Variants in SATL1 observed in about 807,000 individuals in gnomAD.
SATL1 encodes spermidine/spermine N(1)-acetyltransferase-like protein 1.
Under a neutral mutation model 51.8 loss-of-function variants are expected in SATL1, and 47 were observed. The ratio of observed to expected loss-of-function variants is 0.91; its 90% CI spans 0.72 to 1.16. The LOEUF (loss-of-function observed/expected upper bound fraction) is 1.16. Ranked by LOEUF, SATL1 falls within the 50% of genes most tolerant of loss-of-function variation. The pLI, the probability that SATL1 is intolerant of heterozygous loss-of-function variation, is 0.00. For missense variants in SATL1, 520 were observed against 526.4 expected (o/e 0.99, Z 0.12); for synonymous variants, 176 against 182.4 (o/e 0.97, Z 0.28).
chrX:85,130,390 C>G (rs1237087188), intron 2 of SATL1, among the ~76,000 whole-genome samples: 3 of 111,301 alleles, frequency 2.7e-5, no homozygotes, highest in East Asian at 2.8e-4. Context: ...TGTATGTGTC[C>G]AGGAATTTAT....
At chrX:85,159,969 C>T (rs1390699122) in intron 2 of SATL1, among the ~76,000 whole-genome samples, 2 of 111,269 alleles carry the variant, frequency 1.8e-5, no homozygotes, top group East Asian at 5.7e-4. Flanking sequence ...CACATAGGCC[C>T]CCACCATCAC....
chrX:85,218,200 T>C (rs1170159333), intron 2 of SATL1, among the ~76,000 whole-genome samples: 2 of 110,241 alleles, frequency 1.8e-5, no homozygotes, highest in African/African-American at 6.6e-5. Flanking sequence ...AAATAATCTG[T>C]ACACCAAATC....
chrX:85,176,604 G>A (rs926644910), intron 2 of SATL1, among the ~76,000 whole-genome samples: 4 of 111,508 alleles, frequency 3.6e-5, no homozygotes, highest in Non-Finnish European at 5.7e-5. Context: ...CAATGCACAA[G>A]AGTGTGTATA....
chrX:85,159,216 G>T (rs1229819128), intron 2 of SATL1, among the ~76,000 whole-genome samples: 1 of 111,519 alleles, frequency 9.0e-6, no homozygotes, highest in Admixed American at 9.5e-5. Context: ...GTGCATATTT[G>T]CATGGTTAAA....
rs1383730541 is a variant in SATL1, at chrX:85,109,025, A to T, written c.-57T>A. 9.4e-7 allele frequency: 1 copy of T among 1,064,254 alleles called. No individual in the cohort carries two copies. Among genetic ancestry groups the T allele is most frequent in the Non-Finnish European group, 1.3e-6 (1 of 785,949 alleles). The allele number at this position is 1,064,254 out of a possible 1,213,427, so 87.7% of individuals were successfully genotyped here. Reference sequence around the variant, plus strand: ...ATGGGGTGGCAGATGATGGGTTGGCAGACAACTGATTGGCTGATGGCTGTC... The same window carrying T: ...ATGGGGTGGCAGATGATGGGTTGGCTGACAACTGATTGGCTGATGGCTGTC... On this transcript the variant is annotated 5_prime_UTR_variant, in exon 3 of 8. Coordinates refer to ENST00000644105, the MANE Select transcript of SATL1 (RefSeq NM_001367857.2).
chrX:85,122,585 C>G (rs1228851752), intron 2 of SATL1, among the ~76,000 whole-genome samples: 1 of 109,632 alleles, frequency 9.1e-6, no homozygotes, highest in Non-Finnish European at 1.9e-5. Context: ...TGTAAGCACT[C>G]GATTCATATT....
chrX:85,125,574 G>C (rs1281643738), intron 2 of SATL1, among the ~76,000 whole-genome samples: 6 of 106,252 alleles, frequency 5.6e-5, no homozygotes, highest in Non-Finnish European at 1.2e-4. Context: ...TGATAGAATT[G>C]TCCATTGCCT....
chrX:85,114,163 CACAA>C (rs1048821018), intron 2 of SATL1, among the ~76,000 whole-genome samples: 2 of 111,890 alleles, frequency 1.8e-5, no homozygotes, highest in Admixed American at 9.5e-5. Flanking sequence ...TAAGAATATT[CACAA>C]ACAGTTTCCA....
chrX:85,204,283 G>C (rs998643379), intron 2 of SATL1, among the ~76,000 whole-genome samples: 3 of 111,653 alleles, frequency 2.7e-5, no homozygotes, highest in African/African-American at 9.8e-5. Flanking sequence ...TTGTTTCCTT[G>C]ATTAATCCCA....
At chrX:85,157,375 T>G (rs1348507763) in intron 2 of SATL1, among the ~76,000 whole-genome samples, 3 of 111,585 alleles carry the variant, frequency 2.7e-5, no homozygotes, top group Non-Finnish European at 5.7e-5. Context: ...TAAAGTACTC[T>G]AGGTGAATAT....
Position 85,165,635 on chromosome X carries a change from C to A in SATL1, c.-312-56355G>T, listed in dbSNP as rs142247153. On this transcript the variant is annotated intron_variant, in intron 2 of 7. Coordinates refer to ENST00000644105, the MANE Select transcript of SATL1 (RefSeq NM_001367857.2). The stretch of plus-strand genomic sequence containing the variant: ...TTAAGGACCTTGTTTTGTAATATTA[C>A]CAGAATTTACTTTTCTGGTTTCTTC... 3.0e-3 allele frequency among the ~76,000 whole-genome samples: 330 copies of A among 111,095 alleles called. 8 individuals carry two copies. The East Asian group carries it at 0.053, about 18-fold the overall frequency.
intron 4 of SATL1, among the ~76,000 whole-genome samples, chrX:85,102,840 A>G (rs1462582045): frequency 4.5e-5 from 5 of 110,920 alleles, no homozygotes; most frequent in African/African-American, 6.5e-5. Flanking sequence ...TCAACAGTTG[A>G]GCATCCCTAA....
At chrX:85,147,782 C>G (rs1477821178) in intron 2 of SATL1, among the ~76,000 whole-genome samples, 1 of 111,914 alleles carries the variant, frequency 8.9e-6, no homozygotes, top group African/African-American at 3.3e-5. Flanking sequence ...AGAAGGGAAA[C>G]TAACAAACAG....
chrX:85,123,614 T>G (rs776367327), intron 2 of SATL1, among the ~76,000 whole-genome samples: 2 of 111,863 alleles, frequency 1.8e-5, no homozygotes, highest in East Asian at 5.6e-4. Context: ...ATTCTGTAGG[T>G]TGTCTGTTTA....
At position 85,107,504 on chromosome X, in the gene SATL1, G is replaced by A. The variant is rs748526319; in HGVS notation, c.1465C>T (p.Pro489Ser). ...TTCAGGTCTTGTTGGCTCAGGCCTG[G>A]CTGACTCGGCCCCGGTTCCCATATG... ...PGIWEPGPSQ[P>S]GLSQQDLNQL... Residue 489 changes from proline (P) to serine (S), a missense_variant, in exon 3 of 8, where the codon CCA becomes TCA. Pro to Ser is a moderately conservative substitution (Grantham distance 74, BLOSUM62 -1). This residue lies in a region of SATL1 where 488 missense variants were observed against 474.3 expected (regional missense o/e 1.03). Coordinates refer to ENST00000644105, the MANE Select transcript of SATL1 (RefSeq NM_001367857.2). 10 of 1,211,520 alleles carry A rather than the reference G, an allele frequency of 8.3e-6. No individual in the cohort carries two copies. The highest frequency in any genetic ancestry group is 1.0e-5 in the Non-Finnish European group (9 of 895,414).
In SATL1 at chrX:85,163,178, TTTGTTGTTG is replaced by T. The variant is rs199669352; in HGVS notation, c.-312-53907_-312-53899del. 5.0e-4 allele frequency among the ~76,000 whole-genome samples: 54 copies of T among 106,982 alleles called. 1 individual carries two copies. Among genetic ancestry groups the T allele is most frequent in the South Asian group, 1.2e-3 (3 of 2,423 alleles). 92.9% of individuals were successfully genotyped at this position (106,982 alleles called of 115,157 possible). A position where few individuals can be genotyped will look rare whatever the true frequency, so the allele number is the denominator to read the frequency against. On this transcript the variant is annotated intron_variant, in intron 2 of 7. Transcript: ENST00000644105. ...TGTGAATCCATCTGGTCCTGGAGTT[TTTGTTGTTG>T]TTGTTGTTGTTGTTGTTGTTGTTGG...
At chrX:85,120,304 C>T (rs1389738331) in intron 2 of SATL1, among the ~76,000 whole-genome samples, 7 of 110,979 alleles carry the variant, frequency 6.3e-5, no homozygotes, top group Admixed American at 2.9e-4. Context: ...CTGGAATGTC[C>T]CCGGTTTAGA....
At chrX:85,192,696 C>G (rs1455887248) in intron 2 of SATL1, among the ~76,000 whole-genome samples, 2 of 111,545 alleles carry the variant, frequency 1.8e-5, no homozygotes, top group Non-Finnish European at 3.8e-5. Flanking sequence ...GTGCATACTA[C>G]ATTGAATTAT....
At chrX:85,172,575 C>T (rs1348577884) in intron 2 of SATL1, among the ~76,000 whole-genome samples, 1 of 111,144 alleles carries the variant, frequency 9.0e-6, no homozygotes, top group Non-Finnish European at 1.9e-5. Context: ...TTCATCTTTC[C>T]TTCTGTTCTC....
Sources: gnomAD v4.1 joint callset for allele counts (sites outside exome capture counted in the v4.1 genomes callset) on GRCh38, gnomAD v4.1.1 for gene constraint, gnomAD v4.1.1 regional missense constraint, MANE v1.5 for transcripts, NCBI Gene and HGNC (gene_info 2026-07-23, HGNC 2026-07-21) for gene names.